Variants in PTPRO observed in about 807,000 individuals in gnomAD.
PTPRO encodes receptor-type tyrosine-protein phosphatase O.
A neutral mutation model predicts 145.2 loss-of-function variants in PTPRO; 62 were observed. The observed-to-expected ratio is 0.43, with a 90% CI of 0.35 to 0.53. The LOEUF (loss-of-function observed/expected upper bound fraction) is 0.53, where lower values mean the gene tolerates loss of function less well. Among genes scored for constraint, PTPRO ranks in the 20% least tolerant of loss-of-function variants. PTPRO has a pLI of 0.01. For synonymous variants in PTPRO, 565 were observed against 514.7 expected, an observed-to-expected ratio of 1.10 and a Z score of -1.32; for missense variants, 1,345 against 1,482.7, an observed-to-expected ratio of 0.91 and a Z score of 1.53.
intron 1 of PTPRO, among the ~76,000 whole-genome samples, chr12:15,470,317 G>A (rs1941510909): frequency 6.6e-6 from 1 of 152,204 alleles, no homozygotes; most frequent in Admixed American, 6.5e-5. Context: ...GGGTAGCCTT[G>A]AGAAATCCAT....
chr12:15,553,571 A>G (rs1285619788), intron 15 of PTPRO, among the ~76,000 whole-genome samples: 1 of 152,182 alleles, frequency 6.6e-6, no homozygotes, highest in South Asian at 2.1e-4. Context: ...GGAGGAAGAC[A>G]AGAGTAGAAG....
chr12:15,549,717 T>C (rs1943402575), intron 14 of PTPRO, among the ~76,000 whole-genome samples: 1 of 152,196 alleles, frequency 6.6e-6, no homozygotes, highest in Non-Finnish European at 1.5e-5. Flanking sequence ...ATGCTGTTTA[T>C]TTCCTTATTC....
At chr12:15,402,227 A>C (rs993663603) in intron 1 of PTPRO, among the ~76,000 whole-genome samples, 3 of 152,130 alleles carry the variant, frequency 2.0e-5, no homozygotes, top group Non-Finnish European at 4.4e-5. Context: ...ATCTCTATTA[A>C]AAATACAAAA....
chr12:15,549,061 A>T, intron 13 of PTPRO, 33 bp from the exon 14 acceptor site: 17 of 1,606,966 alleles, frequency 1.1e-5, no homozygotes, highest in Non-Finnish European at 1.4e-5. Flanking sequence ...GATGAAGTTA[A>T]CCTAAAATTT....
In PTPRO at chr12:15,598,086, G is replaced by C. The variant is rs1944693949; in HGVS notation, c.*2013G>C. On this transcript the variant is annotated 3_prime_UTR_variant, in exon 27 of 27. Coordinates refer to ENST00000281171, the MANE Select transcript of PTPRO (RefSeq NM_030667.3). ...ATGTTTTTCTTGAGCACCCTTTCAA[G>C]GTAGGGATCAAATAGTGCCAGATCA... 6.6e-6 allele frequency among the ~76,000 whole-genome samples: 1 copy of C among 152,148 alleles called. No homozygotes were observed. Among genetic ancestry groups the C allele is most frequent in the African/African-American group, 2.4e-5 (1 of 41,442 alleles).
chr12:15,423,989 T>C (rs1940215789), intron 1 of PTPRO, among the ~76,000 whole-genome samples: 1 of 152,188 alleles, frequency 6.6e-6, no homozygotes, highest in South Asian at 2.1e-4. Context: ...TAAAATTCGT[T>C]AGCCTTTTAA....
At chr12:15,522,223 T>C (rs1942737268) in intron 10 of PTPRO, among the ~76,000 whole-genome samples, 1 of 151,646 alleles carries the variant, frequency 6.6e-6, no homozygotes, top group Non-Finnish European at 1.5e-5. Context: ...TATTGAAAAT[T>C]CTAGTAGGTT....
intron 1 of PTPRO, among the ~76,000 whole-genome samples, chr12:15,358,467 A>ACTCCTACC (rs1938069421): frequency 1.3e-5 from 2 of 151,752 alleles, no homozygotes; most frequent in Non-Finnish European, 2.9e-5. Flanking sequence ...TTCCATCCCT[A>ACTCCTACC]CTCCTACCTA....
intron 1 of PTPRO, among the ~76,000 whole-genome samples, chr12:15,424,183 TA>T (rs1378326779): frequency 6.6e-6 from 1 of 152,212 alleles, no homozygotes; most frequent in Admixed American, 6.5e-5. Context: ...TATTCTTATT[TA>T]TTTACATAGA....
At chr12:15,362,390 G>A (rs749793111) in intron 1 of PTPRO, among the ~76,000 whole-genome samples, 2 of 152,166 alleles carry the variant, frequency 1.3e-5, no homozygotes, top group Non-Finnish European at 2.9e-5. Flanking sequence ...GTCCAAAAGT[G>A]TTGTATTTGC....
intron 1 of PTPRO, among the ~76,000 whole-genome samples, chr12:15,450,931 A>C (rs1006485615): frequency 7.9e-5 from 12 of 152,078 alleles, no homozygotes; most frequent in African/African-American, 2.9e-4. Flanking sequence ...ATAAAGAAAA[A>C]AAAGGTATTC....
intron 23 of PTPRO, among the ~76,000 whole-genome samples, chr12:15,585,748 A>T (rs753798055): frequency 6.6e-6 from 1 of 152,100 alleles, no homozygotes; most frequent in Non-Finnish European, 1.5e-5. Flanking sequence ...AAGTTTGAGA[A>T]CTGAGGGATG....
rs1943387013 is a variant in PTPRO at position 15,549,242 on chromosome 12, A to G, written c.2437+16A>G. 4 of 1,551,212 alleles carry G rather than the reference A, an allele frequency of 2.6e-6. No homozygotes were observed. The highest frequency in any genetic ancestry group is 4.5e-5 in the East Asian group (2 of 44,092). ...TCAACAATGGGTAATTATACACATT[A>G]GTGTATAATTTTCTCACTTTTTTTG... On this transcript the variant is annotated intron_variant, in intron 14 of 26. Transcript: ENST00000281171.
chr12:15,384,030 T>C (rs1938945700), intron 1 of PTPRO, among the ~76,000 whole-genome samples: 1 of 152,188 alleles, frequency 6.6e-6, no homozygotes, highest in Admixed American at 6.5e-5. Flanking sequence ...AGTCTGTTTT[T>C]CAGTCTTATG....
rs557080977 is a variant in PTPRO, at chr12:15,597,501, A to T, written c.*1428A>T. On this transcript the variant is annotated 3_prime_UTR_variant, in exon 27 of 27. Coordinates refer to ENST00000281171, the MANE Select transcript of PTPRO (RefSeq NM_030667.3). The stretch of plus-strand genomic sequence containing the variant: ...CTTCCCTCCATCCCTGATCATCTTC[A>T]TGAAGCCACAGATATAAGATCAGCT... The T allele has an allele frequency of 6.6e-6, 1 of 152,184 alleles. No homozygotes were observed. Among genetic ancestry groups the T allele is most frequent in the Admixed American group, 6.5e-5 (1 of 15,274 alleles). The allele number at this position is 152,184 out of a possible 1,614,324, so 9.4% of individuals were successfully genotyped here.
At chr12:15,486,769 T>C (rs1291073941) in intron 2 of PTPRO, among the ~76,000 whole-genome samples, 1 of 151,828 alleles carries the variant, frequency 6.6e-6, no homozygotes, top group Non-Finnish European at 1.5e-5. Flanking sequence ...AATAGCCATA[T>C]GTAGCTAGTT....
At chr12:15,353,098 A>G (rs1937863523) in intron 1 of PTPRO, among the ~76,000 whole-genome samples, 1 of 152,050 alleles carries the variant, frequency 6.6e-6, no homozygotes, top group Non-Finnish European at 1.5e-5. Context: ...GTAATAACTG[A>G]TTTTCCAGAC....
At chr12:15,427,635 T>A (rs1940319922) in intron 1 of PTPRO, among the ~76,000 whole-genome samples, 1 of 151,884 alleles carries the variant, frequency 6.6e-6, no homozygotes, top group South Asian at 2.1e-4. Flanking sequence ...ATAATATTCT[T>A]AATTTTAAAT....
At chr12:15,377,918 A>G (rs993180046) in intron 1 of PTPRO, among the ~76,000 whole-genome samples, 1 of 152,156 alleles carries the variant, frequency 6.6e-6, no homozygotes, top group African/African-American at 2.4e-5. Context: ...ATAAATAACA[A>G]GTGAAATTTT....
Sources: gnomAD v4.1 joint callset for allele counts (sites outside exome capture counted in the v4.1 genomes callset) on GRCh38, gnomAD v4.1.1 for gene constraint, MANE v1.5 for transcripts, NCBI Gene and HGNC (gene_info 2026-07-23, HGNC 2026-07-21) for gene names.